The following PIGG variants were observed in gnomAD, a reference collection of about 807,000 sequenced individuals.
PIGG encodes the protein GPI ethanolamine phosphate transferase 2, catalytic subunit.
In PIGG, 70 loss-of-function variants were observed where a neutral mutation model predicts 83.2. The ratio of observed to expected loss-of-function variants is 0.84; its 90% CI spans 0.69 to 1.03. PIGG has a LOEUF of 1.03. PIGG is among the 50% of genes least tolerant of loss of function. The probability of loss-of-function intolerance (pLI) is 0.00; values close to 1 mark genes in which losing one functional copy is unlikely to be tolerated. For missense variants in PIGG, 1,257 were observed against 1,233.6 expected, an observed-to-expected ratio of 1.02 and a Z score of -0.28; for synonymous variants, 532 against 519.5, an observed-to-expected ratio of 1.02 and a Z score of -0.33.
chr4:511,109 C>T (rs1721760406), intron 5 of PIGG, among the ~76,000 whole-genome samples: 2 of 152,040 alleles, frequency 1.3e-5, no homozygotes, highest in South Asian at 4.1e-4. Context: ...GCCTGACCAA[C>T]ATGGAGAAAC....
intron 6 of PIGG, among the ~76,000 whole-genome samples, chr4:518,541 C>T (rs1370129077): frequency 1.3e-5 from 2 of 152,138 alleles, no homozygotes; most frequent in Admixed American, 1.3e-4. Context: ...TGCAGTGAGC[C>T]GAGATGGCGA....
At chr4:523,405 A>G in intron 8 of PIGG, 54 bp from the exon 9 acceptor site, 1 of 1,267,132 alleles carries the variant, frequency 7.9e-7, no homozygotes, top group Non-Finnish European at 1.1e-6. Flanking sequence ...ACATGCAGCA[A>G]GATGTGTGTC....
chr4:528,494 G>A lies in PIGG; in HGVS notation c.2261+1264G>A. 1.0e-6 allele frequency: 1 copy of A among 985,354 alleles called. No individual in the cohort carries two copies. The highest frequency in any genetic ancestry group is 1.2e-6 in the Non-Finnish European group (1 of 829,906). The allele number at this position is 985,354 out of a possible 1,614,324, so 61.0% of individuals were successfully genotyped here. A position where few individuals can be genotyped will look rare whatever the true frequency, so the allele number is the denominator to read the frequency against. On this transcript the variant is annotated intron_variant, in intron 10 of 12. Transcript: ENST00000453061. The surrounding 1 kb of genome is among the most constrained non-coding windows in gnomAD (Gnocchi z 4.8). ...AGTGGGGAGTAAGGGGTGGGAGTTA[G>A]GGTGACCTGAGGCCTGGCTGAGGCA...
In PIGG at chr4:533,870, T is replaced by TA. The variant is rs1491240980; in HGVS notation, c.2625dup (p.Asp876ArgfsTer111). The stretch of plus-strand genomic sequence containing the variant: ...GACATCTCCGCAGGCTTCGTGGGCT[T>TA]AGACACCTACGTGGAAATCCCAGCC... On this transcript the variant is annotated frameshift_variant, in exon 12 of 13. Coordinates refer to ENST00000453061, the MANE Select transcript of PIGG (RefSeq NM_001127178.3). LOFTEE classifies it high-confidence loss of function. 10 of 1,613,918 alleles carry TA rather than the reference T, an allele frequency of 6.2e-6. No individual in the cohort carries two copies. The highest frequency in any genetic ancestry group is 8.5e-6 in the Non-Finnish European group (10 of 1,180,032).
At position 521,754 on chromosome 4, in the gene PIGG, T is replaced by A. The variant is rs1417549243; in HGVS notation, c.1427T>A (p.Phe476Tyr). 2.5e-6 allele frequency: 4 copies of A among 1,614,168 alleles called. No individual in the cohort carries two copies. Residue 476 changes from phenylalanine (F) to tyrosine (Y), a missense_variant, in exon 8 of 13, where the codon TTT becomes TAT. Transcript: ENST00000453061. ...PLSSPGFSLL[F>Y]YLVILVLSAV... is the part of the protein sequence containing the mutation. Reference sequence around the variant, plus strand: ...TCATCTCCTGGGTTTTCTCTGCTCTTTTATTTGGTGATCCTGGTTCTTTCG... The same window carrying A: ...TCATCTCCTGGGTTTTCTCTGCTCTATTATTTGGTGATCCTGGTTCTTTCG...
intron 9 of PIGG, chr4:524,754 A>G (rs1000234937): frequency 1.4e-4 from 22 of 152,136 alleles, no homozygotes; most frequent in African/African-American, 4.8e-4. Context: ...GCTTACTGCA[A>G]TCAAGAGATT....
At chr4:509,522 C>T (rs1249091131) in intron 5 of PIGG, among the ~76,000 whole-genome samples, 3 of 152,232 alleles carry the variant, frequency 2.0e-5, no homozygotes, top group African/African-American at 7.2e-5. Flanking sequence ...CTGCCTTCCA[C>T]TTGCGCCTGG....
chr4:505,774 T>G lies in PIGG; in HGVS notation c.417T>G (p.Ser139=). The change falls in exon 3 of 13, where the codon TCT becomes TCG. Residue 139 remains serine, a synonymous_variant. Transcript: ENST00000453061. ...GFVDVIRNLN[S]PALLEDSVIR... ...TCGACGTCATCAGGAACCTCAATTC[T>G]CCTGCACTGCTGGAAGACAGTGTGA... 1 of 1,613,522 alleles carries G rather than the reference T, an allele frequency of 6.2e-7. No individual in the cohort carries two copies.
At chr4:500,000 G>C (rs1226426361) in intron 1 of PIGG, 2 of 239,182 alleles carry the variant, frequency 8.4e-6, no homozygotes, top group Non-Finnish European at 1.6e-5. Context: ...AGGCGCCCTG[G>C]TTCTGGACCA....
chr4:529,723 G>T (rs577921013), intron 10 of PIGG, among the ~76,000 whole-genome samples: 1 of 152,264 alleles, frequency 6.6e-6, no homozygotes, highest in South Asian at 2.1e-4. Context: ...AGCACTCCCT[G>T]CATTCCCTTG....
intron 12 of PIGG, chr4:536,961 AG>A (rs1352959223): frequency 1.3e-5 from 2 of 152,256 alleles, no homozygotes; most frequent in African/African-American, 4.8e-5. Flanking sequence ...TTGATGGACC[AG>A]GCACTTTTCA....
At chr4:537,220 A>G (rs773384666) in intron 12 of PIGG, 2 of 152,172 alleles carry the variant, frequency 1.3e-5, no homozygotes, top group Non-Finnish European at 2.9e-5. Context: ...GACAGAGAAA[A>G]TATGTTTCCA....
chr4:515,192 G>A lies in PIGG; in HGVS notation c.902-781G>A, dbSNP rs772520755. Among the ~76,000 whole-genome samples the A allele has an allele frequency of 1.2e-4, 19 of 152,256 alleles. No individual in the cohort carries two copies. Among genetic ancestry groups the A allele is most frequent in the Non-Finnish European group, 2.4e-4 (16 of 68,050 alleles). ...GTAGCCGTCCCTGTGGCCTCTTGGCGCCCTGCCGGTGTACGTTGAATTCCA... is the reference window on the plus strand; with the variant it reads ...GTAGCCGTCCCTGTGGCCTCTTGGCACCCTGCCGGTGTACGTTGAATTCCA... On this transcript the variant is annotated intron_variant, in intron 5 of 12. Coordinates refer to ENST00000453061, the MANE Select transcript of PIGG (RefSeq NM_001127178.3). This position sits in a 1 kb window ranked among gnomAD's most constrained non-coding sequence, Gnocchi z 4.2.
In PIGG at chr4:508,918, G is replaced by C; in HGVS notation, c.849G>C (p.Glu283Asp). The stretch of plus-strand genomic sequence containing the variant: ...GAAGTCACGGGGCCTCCTCCACCGA[G>C]GAGGTGAATACACCTCTGATTTTAA... ...ETGSHGASST[E>D]EVNTPLILIS... Residue 283 changes from glutamate to aspartate, a missense_variant, in exon 5 of 13, where the codon GAG becomes GAC. Glu to Asp is a conservative substitution (Grantham distance 45). Transcript: ENST00000453061. The C allele has an allele frequency of 6.2e-7, 1 of 1,612,966 alleles. No homozygotes were observed. Among genetic ancestry groups the C allele is most frequent in the Non-Finnish European group, 8.5e-7 (1 of 1,178,914 alleles).
At chr4:530,397 C>A (rs1262620990) in intron 10 of PIGG, 39 bp from the exon 11 acceptor site, 1 of 1,397,216 alleles carries the variant, frequency 7.2e-7, no homozygotes, top group South Asian at 1.2e-5. Flanking sequence ...ATTTTTCTCA[C>A]TGGTGCTAAT....
chr4:523,441 G>T lies in PIGG; in HGVS notation c.1615-18G>T, dbSNP rs780865123. 6.4e-7 allele frequency: 1 copy of T among 1,563,324 alleles called. No individual in the cohort carries two copies. Among genetic ancestry groups the T allele is most frequent in the Admixed American group, 1.7e-5 (1 of 58,062 alleles). ...GTTATCAGACCGTCTCTTACAAAGT[G>T]CACTTTCCTTTTCACAGAACCCCAT... On this transcript the variant is annotated intron_variant, in intron 8 of 12. Transcript: ENST00000453061.
intron 4 of PIGG, 83 bp downstream of exon 4, chr4:507,676 C>G (rs1553880612): frequency 1.6e-6 from 2 of 1,230,464 alleles, no homozygotes; most frequent in Non-Finnish European, 2.3e-6. Context: ...CTGAGTTATT[C>G]AGGGTGCCTG....
chr4:530,416 CTTG>C lies in PIGG; in HGVS notation c.2262-17_2262-15del, dbSNP rs2109013844. The C allele has an allele frequency of 1.3e-6, 2 of 1,572,874 alleles. No individual in the cohort carries two copies. The highest frequency in any genetic ancestry group is 2.7e-5 in the African/African-American group (2 of 73,894). On this transcript the variant is annotated splice_polypyrimidine_tract_variant and intron_variant, in intron 10 of 12. Transcript: ENST00000453061. ...TTCTCACTGGTGCTAATGAATCTAACTTGTTTTGCTCTTTTTTAGGGGTATTAT... is the reference window on the plus strand; with the variant it reads ...TTCTCACTGGTGCTAATGAATCTAACTTTTGCTCTTTTTTAGGGGTATTAT...
At position 527,229 on chromosome 4, in the gene PIGG, A is replaced by T; in HGVS notation, c.2260A>T (p.Lys754Ter). 1 of 1,585,348 alleles carries T rather than the reference A, an allele frequency of 6.3e-7. No individual in the cohort carries two copies. Among genetic ancestry groups the T allele is most frequent in the Non-Finnish European group, 8.6e-7 (1 of 1,165,910 alleles). ...GCGGCCGGACAGCAAGGACATTTCC[A>T]AGTAAGTGCGTGGCGGACACGGGGT... ...PWRPDSKDIS[K>*]GIIEARFVYV... Residue 754 changes from lysine (K) to a stop codon, truncating the protein, a stop_gained and splice_region_variant, in exon 10 of 13, where the codon AAG becomes TAG. Coordinates refer to ENST00000453061, the MANE Select transcript of PIGG (RefSeq NM_001127178.3). LOFTEE classifies it high-confidence loss of function.
Sources: allele counts gnomAD v4.1 joint callset (sites outside exome capture counted in the v4.1 genomes callset), GRCh38; gene constraint gnomAD v4.1.1; non-coding constraint Gnocchi (gnomAD v3.1); transcripts MANE v1.5; gene names NCBI Gene and HGNC (gene_info 2026-07-23, HGNC 2026-07-21).